Variants in LNX2 observed in about 807,000 individuals in gnomAD.
LNX2 encodes ligand of numb-protein X 2, also known as ligand of Numb protein X 2.
LNX2 carries 35 observed loss-of-function variants against 66.2 expected under a neutral mutation model. The ratio of observed to expected loss-of-function variants is 0.53; its 90% CI spans 0.40 to 0.70. The LOEUF is 0.70. LNX2 is among the 30% of genes least tolerant of loss of function. The pLI, the probability that LNX2 is intolerant of heterozygous loss-of-function variation, is 0.00. For synonymous variants in LNX2, 337 were observed against 315.6 expected, an observed-to-expected ratio of 1.07 and a Z score of -0.72; for missense variants, 791 against 850.8, an observed-to-expected ratio of 0.93 and a Z score of 0.87.
intron 1 of LNX2, 135 bp from the exon 2 acceptor site, chr13:27,581,938 T>C (rs1955403031): frequency 2.7e-6 from 1 of 368,330 alleles, no homozygotes; most frequent in Non-Finnish European, 4.8e-6. Context: ...AAATTAGTCA[T>C]AAAAAAAGAA....
chr13:27,613,835 T>G (rs79094069), intron 1 of LNX2, among the ~76,000 whole-genome samples: 6,720 of 152,288 alleles, frequency 0.044, 186 homozygotes, highest in East Asian at 0.11. Flanking sequence ...AATGATTAAC[T>G]ACTCGAATGA....
chr13:27,568,800 C>T (rs1054985343), intron 3 of LNX2, among the ~76,000 whole-genome samples: 1 of 152,136 alleles, frequency 6.6e-6, no homozygotes, highest in East Asian at 1.9e-4. Context: ...TTAGGACCAT[C>T]TGCCTCGGGG....
intron 1 of LNX2, among the ~76,000 whole-genome samples, chr13:27,606,125 T>C (rs1955712689): frequency 6.6e-6 from 1 of 152,152 alleles, no homozygotes; most frequent in Non-Finnish European, 1.5e-5. Context: ...CATTTCCAAT[T>C]AGCAAACAGA....
At chr13:27,575,675 G>T (rs1955334055) in intron 2 of LNX2, among the ~76,000 whole-genome samples, 1 of 152,074 alleles carries the variant, frequency 6.6e-6, no homozygotes, top group African/African-American at 2.4e-5. Context: ...AGCAGAACGT[G>T]TAATTTTTCA....
chr13:27,585,196 C>T (rs1288494205), intron 1 of LNX2, among the ~76,000 whole-genome samples: 14 of 151,472 alleles, frequency 9.2e-5, no homozygotes, highest in African/African-American at 2.9e-4. Context: ...GAGGCTGAGG[C>T]GGGTGGATCA....
intron 2 of LNX2, 35 bp downstream of exon 2, chr13:27,581,262 A>T (rs1195354074): frequency 6.9e-7 from 1 of 1,443,802 alleles, no homozygotes; most frequent in East Asian, 2.4e-5. Flanking sequence ...CTTTTTCCAA[A>T]ATCTGGAGTT....
At chr13:27,557,060 ACTT>A (rs1325635723) in intron 6 of LNX2, among the ~76,000 whole-genome samples, 2 of 152,184 alleles carry the variant, frequency 1.3e-5, no homozygotes, top group African/African-American at 2.4e-5. Flanking sequence ...TGTTACTACT[ACTT>A]ATTATTGAGA....
chr13:27,560,083 G>T, intron 5 of LNX2, 98 bp from the exon 6 acceptor site: 1 of 1,082,624 alleles, frequency 9.2e-7, no homozygotes, highest in Non-Finnish European at 1.3e-6. Flanking sequence ...CTTAATCACT[G>T]TACCAGGGCG....
chr13:27,551,851 T>C (rs1411219074), intron 8 of LNX2, among the ~76,000 whole-genome samples: 2 of 152,202 alleles, frequency 1.3e-5, no homozygotes, highest in African/African-American at 2.4e-5. Flanking sequence ...CTTTCTTGTA[T>C]ACCCCAGCAA....
intron 1 of LNX2, among the ~76,000 whole-genome samples, chr13:27,588,383 G>A (rs544500109): frequency 2.6e-4 from 40 of 152,288 alleles, no homozygotes; most frequent in East Asian, 9.6e-4. Context: ...CAACCTCTAT[G>A]AATCTCCAGA....
In LNX2 at chr13:27,556,342, G is replaced by A. The variant is rs1416315192; in HGVS notation, c.1440C>T (p.Gly480=). ...TTCCCCTGCCCCCAGCAACGGTCATGCCAAGGGATTCATGTGGTTCCTTCT... is the reference window on the plus strand; with the variant it reads ...TTCCCCTGCCCCCAGCAACGGTCATACCAAGGGATTCATGTGGTTCCTTCT... The part of the protein sequence containing the change: ...TVKKEPHESL[G]MTVAGGRGSK... Residue 480 remains glycine, a synonymous_variant, in exon 7 of 10, where the codon GGC becomes GGT. Transcript: ENST00000316334. 6.8e-6 allele frequency: 11 copies of A among 1,613,992 alleles called. No individual in the cohort carries two copies. Among genetic ancestry groups the A allele is most frequent in the Non-Finnish European group, 9.3e-6 (11 of 1,179,958 alleles).
At chr13:27,583,247 T>TGCGCGCGCGC (rs1566124843) in intron 1 of LNX2, among the ~76,000 whole-genome samples, 4 of 44,292 alleles carry the variant, frequency 9.0e-5, no homozygotes, top group Admixed American at 2.1e-4. Flanking sequence ...TGTGTGTGTG[T>TGCGCGCGCGC]GTGTGTGTGC....
At chr13:27,601,829 G>C (rs1316076347) in intron 1 of LNX2, among the ~76,000 whole-genome samples, 1 of 152,106 alleles carries the variant, frequency 6.6e-6, no homozygotes, top group Non-Finnish European at 1.5e-5. Context: ...TAGGATTACA[G>C]GCGTGTTGAA....
At chr13:27,572,578 G>A (rs1050411144) in intron 2 of LNX2, among the ~76,000 whole-genome samples, 4 of 152,062 alleles carry the variant, frequency 2.6e-5, no homozygotes, top group South Asian at 2.1e-4. Flanking sequence ...ACCCAAATAG[G>A]GATTTTTCCT....
chr13:27,567,064 G>A (rs543498397), intron 4 of LNX2, among the ~76,000 whole-genome samples: 1 of 152,108 alleles, frequency 6.6e-6, no homozygotes, highest in African/African-American at 2.4e-5. Flanking sequence ...TAAGGGGAGC[G>A]AAGGGGATTA....
chr13:27,588,260 A>G (rs1226336633), intron 1 of LNX2, among the ~76,000 whole-genome samples: 1 of 152,234 alleles, frequency 6.6e-6, no homozygotes, highest in Non-Finnish European at 1.5e-5. Flanking sequence ...AGAAACTACA[A>G]AACAACTCAG....
chr13:27,587,854 T>C (rs760640623), intron 1 of LNX2, among the ~76,000 whole-genome samples: 6 of 151,936 alleles, frequency 3.9e-5, no homozygotes, highest in Non-Finnish European at 8.8e-5. Flanking sequence ...ACCCCATCTC[T>C]ACTAAAAATA....
At chr13:27,609,632 C>T (rs765199671) in intron 1 of LNX2, among the ~76,000 whole-genome samples, 7 of 152,162 alleles carry the variant, frequency 4.6e-5, no homozygotes, top group Non-Finnish European at 7.3e-5. Flanking sequence ...AACTGTGTTA[C>T]AGGTAATCAT....
rs547629632 is a variant in LNX2 at position 27,579,103 on chromosome 13, C to T, written c.407+2194G>A. Among the ~76,000 whole-genome samples, 10 of 152,270 alleles carry T rather than the reference C, an allele frequency of 6.6e-5. No homozygotes were observed. The East Asian group carries it at 1.7e-3, about 26-fold the overall frequency. On this transcript the variant is annotated intron_variant, in intron 2 of 9. Transcript: ENST00000316334. ...TTAGATTCTAACTTGCAGAGACTAC[C>T]TAACACCTAGAAAAGTATCTGGCAC...
Sources: gnomAD v4.1 joint callset for allele counts (sites outside exome capture counted in the v4.1 genomes callset) on GRCh38, gnomAD v4.1.1 for gene constraint, MANE v1.5 for transcripts, NCBI Gene and HGNC (gene_info 2026-07-23, HGNC 2026-07-21) for gene names.